The following ANKS6 variants were observed in gnomAD, a reference collection of about 807,000 sequenced individuals.
The protein encoded by ANKS6 is ankyrin repeat and SAM domain-containing protein 6.
Under a neutral mutation model 77.9 loss-of-function variants are expected in ANKS6, and 47 were observed. The ratio of observed to expected loss-of-function variants is 0.60; its 90% CI spans 0.48 to 0.77. ANKS6 has a LOEUF of 0.77. Among genes scored for constraint, ANKS6 ranks in the 30% least tolerant of loss-of-function variants. The pLI, the probability that ANKS6 is intolerant of heterozygous loss-of-function variation, is 0.00. For synonymous variants in ANKS6, 488 were observed against 501.7 expected (o/e 0.97, Z 0.37); for missense variants, 1,150 against 1,159.1 (o/e 0.99, Z 0.11).
At chr9:98,747,718 G>A (rs1463308540) in intron 13 of ANKS6, among the ~76,000 whole-genome samples, 3 of 152,046 alleles carry the variant, frequency 2.0e-5, no homozygotes, top group African/African-American at 7.2e-5. Context: ...TCTTGGTGAG[G>A]GGCCCTCCAC....
rs201419783 is a variant in ANKS6 at position 98,756,549 on chromosome 9, T to G, written c.2197A>C (p.Thr733Pro). ...GGGGAGGGCGTGAGGGTTGGAGAGG[T>G]GCTCTTGGAGGTAGTGGAAGTTCCA... is the stretch of plus-strand genomic sequence containing the variant. The part of the protein sequence containing the change: ...PSGTSTTSKS[T>P]SPTLTPSPSP... The change falls in exon 12 of 15, where the codon ACC becomes CCC. Residue 733 changes from threonine (T) to proline (P), a missense_variant. By Grantham distance (38) the Thr-to-Pro change is conservative. Transcript: ENST00000353234. 1.1e-4 allele frequency: 180 copies of G among 1,587,758 alleles called. No homozygotes were observed. In the Middle Eastern group the frequency reaches 2.7e-3, roughly 24 times the overall value.
intron 1 of ANKS6, among the ~76,000 whole-genome samples, chr9:98,792,691 CTTAAT>C (rs1262462577): frequency 6.6e-6 from 1 of 152,110 alleles, no homozygotes; most frequent in African/African-American, 2.4e-5. Flanking sequence ...CTCATTTGAT[CTTAAT>C]AAACCCCGAG....
At chr9:98,753,383 A>G (rs186110916) in intron 12 of ANKS6, among the ~76,000 whole-genome samples, 109 of 152,348 alleles carry the variant, frequency 7.2e-4, no homozygotes, top group Admixed American at 7.1e-3. Context: ...AAATACTGGA[A>G]GAGTATTTTC....
At chr9:98,740,526 C>T (rs1831768665) in intron 14 of ANKS6, among the ~76,000 whole-genome samples, 1 of 152,182 alleles carries the variant, frequency 6.6e-6, no homozygotes, top group South Asian at 2.1e-4. Context: ...TGGGGTGGCA[C>T]TGTGCAAACT....
intron 2 of ANKS6, among the ~76,000 whole-genome samples, chr9:98,785,935 C>T (rs1176701534): frequency 1.3e-5 from 2 of 152,158 alleles, no homozygotes; most frequent in Non-Finnish European, 2.9e-5. Flanking sequence ...TGTTAAGGCG[C>T]CATTCAAAGA....
chr9:98,767,124 A>G lies in ANKS6; in HGVS notation c.2142+957T>C, dbSNP rs572200709. On this transcript the variant is annotated intron_variant, in intron 11 of 14. Coordinates refer to ENST00000353234, the MANE Select transcript of ANKS6 (RefSeq NM_173551.5). Reference sequence around the variant, plus strand: ...AAAAAACTTCTTGTTCCAGGAAGGCATCTAGGTTTTCTTGCTTACTGCATT... The same window carrying G: ...AAAAAACTTCTTGTTCCAGGAAGGCGTCTAGGTTTTCTTGCTTACTGCATT... 5.9e-5 allele frequency among the ~76,000 whole-genome samples: 9 copies of G among 152,304 alleles called. No homozygotes were observed. The South Asian group carries it at 1.0e-3, about 18-fold the overall frequency.
intron 12 of ANKS6, among the ~76,000 whole-genome samples, chr9:98,752,547 T>C (rs943061291): frequency 2.6e-5 from 4 of 151,910 alleles, no homozygotes; most frequent in African/African-American, 7.3e-5. Flanking sequence ...GCTGGGAGGA[T>C]AGGATGAGGA....
chr9:98,787,747 T>C (rs1834653360), intron 2 of ANKS6, among the ~76,000 whole-genome samples: 1 of 152,162 alleles, frequency 6.6e-6, no homozygotes, highest in South Asian at 2.1e-4. Flanking sequence ...AAAAAGACAC[T>C]GTAGTCCTGC....
At chr9:98,773,067 AG>A (rs1245222386) in intron 9 of ANKS6, among the ~76,000 whole-genome samples, 1 of 152,234 alleles carries the variant, frequency 6.6e-6, no homozygotes. Context: ...AAGAAGTCTC[AG>A]GGATGGGTTC....
At chr9:98,766,328 TTTCC>T (rs1833288086) in intron 11 of ANKS6, among the ~76,000 whole-genome samples, 1 of 152,148 alleles carries the variant, frequency 6.6e-6, no homozygotes, top group African/African-American at 2.4e-5. Flanking sequence ...AAATGCCTTA[TTTCC>T]AATAAAAATT....
chr9:98,793,360 T>C (rs943444480), intron 1 of ANKS6, among the ~76,000 whole-genome samples: 1 of 152,210 alleles, frequency 6.6e-6, no homozygotes, highest in Non-Finnish European at 1.5e-5. Flanking sequence ...TTGAGCAAGT[T>C]ATTTAACTTC....
chr9:98,763,979 T>G (rs1464985205), intron 11 of ANKS6, among the ~76,000 whole-genome samples: 3 of 152,134 alleles, frequency 2.0e-5, no homozygotes, highest in Non-Finnish European at 4.4e-5. Flanking sequence ...TTCTGTAAGT[T>G]AAAACCTTCC....
At chr9:98,748,152 T>C (rs77318086) in intron 13 of ANKS6, among the ~76,000 whole-genome samples, 1,983 of 152,240 alleles carry the variant, frequency 0.013, 21 homozygotes, top group Non-Finnish European at 0.019. Flanking sequence ...AGGGGCAGGG[T>C]CTCAAGTACT....
chr9:98,771,112 A>G, intron 9 of ANKS6, 66 bp from the exon 10 acceptor site: 2 of 1,405,846 alleles, frequency 1.4e-6, no homozygotes, highest in Non-Finnish European at 1.9e-6. Context: ...GCAGGATCAC[A>G]GTGTGGGGGT....
intron 7 of ANKS6, among the ~76,000 whole-genome samples, chr9:98,777,816 T>C (rs1833998994): frequency 6.6e-6 from 1 of 152,178 alleles, no homozygotes; most frequent in African/African-American, 2.4e-5. Context: ...CTGACAAAGT[T>C]ATCCAAGCTG....
At chr9:98,749,322 G>C (rs1832305995) in intron 13 of ANKS6, among the ~76,000 whole-genome samples, 1 of 152,170 alleles carries the variant, frequency 6.6e-6, no homozygotes, top group South Asian at 2.1e-4. Flanking sequence ...TCAGGCCCCA[G>C]CTCCCTCCCT....
intron 8 of ANKS6, among the ~76,000 whole-genome samples, chr9:98,774,623 G>C (rs1409634999): frequency 6.6e-6 from 1 of 152,146 alleles, no homozygotes; most frequent in Non-Finnish European, 1.5e-5. Flanking sequence ...GAGGTGATAA[G>C]GGCTAGGGCT....
rs337586 is a variant in ANKS6, at chr9:98,735,739, C to T, written c.*780G>A. ...TAGGAAGAAGAAGGGATCCACACAG[C>T]AGGCCTCCACTTCTTTCCTTCTATA... is the stretch of plus-strand genomic sequence containing the variant. On this transcript the variant is annotated 3_prime_UTR_variant, in exon 15 of 15. Coordinates refer to ENST00000353234, the MANE Select transcript of ANKS6 (RefSeq NM_173551.5). 0.033 allele frequency: 41,216 copies of T among 1,231,694 alleles called. 1,800 individuals are homozygous for T. Among genetic ancestry groups the T allele is most frequent in the East Asian group, 0.26 (8,088 of 31,682 alleles). The allele number at this position is 1,231,694 out of a possible 1,614,324, so 76.3% of individuals were successfully genotyped here.
chr9:98,736,050 T>C lies in ANKS6; in HGVS notation c.*469A>G, dbSNP rs572923790. Reference sequence around the variant, plus strand: ...TGCTGGGAAGCCACTATGTGGAGACTGCACATCCTGGCCTCCTCTGCATCC... The same window carrying C: ...TGCTGGGAAGCCACTATGTGGAGACCGCACATCCTGGCCTCCTCTGCATCC... On this transcript the variant is annotated 3_prime_UTR_variant, in exon 15 of 15. Transcript: ENST00000353234. 7.6e-6 allele frequency: 9 copies of C among 1,187,540 alleles called. No homozygotes were observed. In the African/African-American group the frequency reaches 1.1e-4, roughly 15 times the overall value. The allele number at this position is 1,187,540 out of a possible 1,614,324, so 73.6% of individuals were successfully genotyped here.
Sources: gnomAD v4.1 joint callset for allele counts (sites outside exome capture counted in the v4.1 genomes callset) on GRCh38, gnomAD v4.1.1 for gene constraint, MANE v1.5 for transcripts, NCBI Gene and HGNC (gene_info 2026-07-23, HGNC 2026-07-21) for gene names.